The following MYO7B variants were observed in gnomAD, a reference collection of about 807,000 sequenced individuals.
The protein encoded by MYO7B is myosin VIIB, also known as unconventional myosin-VIIb.
Under a neutral mutation model 259.7 loss-of-function variants are expected in MYO7B, and 212 were observed. That is an observed-to-expected ratio of 0.82 (90% CI 0.73 to 0.91). The LOEUF is 0.91. Ranked by LOEUF, MYO7B falls within the 40% of genes least tolerant of loss-of-function variation. The probability of loss-of-function intolerance (pLI) is 0.00; values close to 1 mark genes in which losing one functional copy is unlikely to be tolerated. For synonymous variants in MYO7B, 1,197 were observed against 1,166.4 expected (o/e 1.03, Z -0.54); for missense variants, 2,732 against 2,813.5 (o/e 0.97, Z 0.66).
intron 6 of MYO7B, 66 bp from the exon 7 acceptor site, chr2:127,573,854 T>C (rs1055405355): frequency 1.9e-6 from 3 of 1,594,990 alleles, no homozygotes; most frequent in Admixed American, 1.7e-5. Flanking sequence ...CCCTCTTACA[T>C]GATCCCACTC....
At chr2:127,552,305 C>T (rs778410394) in intron 1 of MYO7B, among the ~76,000 whole-genome samples, 3 of 152,062 alleles carry the variant, frequency 2.0e-5, no homozygotes, top group Non-Finnish European at 4.4e-5. Context: ...GATTTGAGGC[C>T]GTTTCCAGGC....
chr2:127,633,183 G>A (rs55688363), intron 39 of MYO7B, 75 bp from the exon 40 acceptor site: 54,496 of 1,147,160 alleles, frequency 0.048, 1,663 homozygotes, highest in Non-Finnish European at 0.055. Flanking sequence ...CATGGTTTAG[G>A]GCCCACATCG....
At chr2:127,594,163 C>G (rs1289964144) in intron 18 of MYO7B, among the ~76,000 whole-genome samples, 1 of 152,256 alleles carries the variant, frequency 6.6e-6, no homozygotes, top group Non-Finnish European at 1.5e-5. Context: ...CCACCACAAC[C>G]TGCCTCCCCC....
Position 127,636,380 on chromosome 2 carries a change from C to T in MYO7B, c.6123+56C>T. The T allele has an allele frequency of 4.6e-6, 7 of 1,524,370 alleles. No homozygotes were observed. The highest frequency in any genetic ancestry group is 6.4e-6 in the Non-Finnish European group (7 of 1,102,266). 94.4% of individuals were successfully genotyped at this position (1,524,370 alleles called of 1,614,324 possible). A position where few individuals can be genotyped will look rare whatever the true frequency, so the allele number is the denominator to read the frequency against. On this transcript the variant is annotated intron_variant, in intron 45 of 47. Transcript: ENST00000409816. The surrounding 1 kb of genome is among the most constrained non-coding windows in gnomAD (Gnocchi z 4.5). ...CCCAAGCAGGCTCCGCTCAGCCCAG[C>T]CCCAGCAGGCCCAGCGTCAACCAGC...
Position 127,627,526 on chromosome 2 carries a change from C to T in MYO7B, c.4460+216C>T, listed in dbSNP as rs1449641165. 13 of 717,126 alleles carry T rather than the reference C, an allele frequency of 1.8e-5. No homozygotes were observed. The highest frequency in any genetic ancestry group is 2.9e-5 in the East Asian group (1 of 34,042). 44.4% of individuals were successfully genotyped at this position (717,126 alleles called of 1,614,324 possible). The stretch of plus-strand genomic sequence containing the variant: ...CATGAAGTACTCCATTGGGGCATCA[C>T]GCGTTGCACTGGCAGCTTCTCTTTG... On this transcript the variant is annotated intron_variant, in intron 33 of 47. Coordinates refer to ENST00000409816, the MANE Select transcript of MYO7B (RefSeq NM_001393586.1). The surrounding 1 kb of genome is among the most constrained non-coding windows in gnomAD (Gnocchi z 5.6).
chr2:127,618,523 G>T (rs1404612963), intron 26 of MYO7B, among the ~76,000 whole-genome samples: 2 of 152,210 alleles, frequency 1.3e-5, no homozygotes, highest in East Asian at 1.9e-4. Flanking sequence ...TGCCTGGGTC[G>T]TGACTGCCCT....
In MYO7B at chr2:127,596,510, A is replaced by C; in HGVS notation, c.2293A>C (p.Arg765=). Residue 765 remains arginine, a synonymous_variant, in exon 19 of 48, where the codon AGA becomes CGA. Coordinates refer to ENST00000409816, the MANE Select transcript of MYO7B (RefSeq NM_001393586.1). ...GGTACAGAGAAGCCAGGTGCTAGAC[A>C]GAGCGGCGCTCAGCATCCAGAAAGT... The part of the protein sequence containing the change: ...LEVQRSQVLD[R]AALSIQKVLR... The C allele has an allele frequency of 6.2e-7, 1 of 1,613,764 alleles. No individual in the cohort carries two copies. Among genetic ancestry groups the C allele is most frequent in the Non-Finnish European group, 8.5e-7 (1 of 1,179,804 alleles).
rs972931225 is a variant in MYO7B at position 127,622,084 on chromosome 2, A to G, written c.3628A>G (p.Thr1210Ala). The change falls in exon 28 of 48, where the codon ACC becomes GCC. Residue 1210 changes from threonine (T) to alanine (A), a missense_variant. This residue lies in a region of MYO7B where 1,906 missense variants were observed against 2,026.4 expected (regional missense o/e 0.94). Coordinates refer to ENST00000409816, the MANE Select transcript of MYO7B (RefSeq NM_001393586.1). The part of the protein sequence containing the change: ...YANGVRAEPP[T>A]WLELQAVKSK... ...CAATGGGGTGCGTGCGGAGCCCCCCACCTGGCTGGAGCTGCAGGTAGGGGC... is the reference window on the plus strand; with the variant it reads ...CAATGGGGTGCGTGCGGAGCCCCCCGCCTGGCTGGAGCTGCAGGTAGGGGC... 3.9e-6 allele frequency: 6 copies of G among 1,549,480 alleles called. No homozygotes were observed. The highest frequency in any genetic ancestry group is 5.2e-6 in the Non-Finnish European group (6 of 1,145,492).
At chr2:127,566,014 G>C (rs965298094) in intron 4 of MYO7B, among the ~76,000 whole-genome samples, 1 of 152,244 alleles carries the variant, frequency 6.6e-6, no homozygotes, top group South Asian at 2.1e-4. Context: ...GCCCTTCTGG[G>C]CTGCTCAGAG....
chr2:127,613,493 G>C lies in MYO7B; in HGVS notation c.3398+890G>C, dbSNP rs1330370471. ...TGAGCATTGTTTCCTTTATATCCTT[G>C]AGCAGATTTACAGTAGTTTTTAAAT... On this transcript the variant is annotated intron_variant, in intron 26 of 47. Transcript: ENST00000409816. The surrounding 1 kb of genome is among the most constrained non-coding windows in gnomAD (Gnocchi z 4.3). 2.0e-5 allele frequency among the ~76,000 whole-genome samples: 3 copies of C among 152,048 alleles called. No homozygotes were observed. The highest frequency in any genetic ancestry group is 7.2e-5 in the African/African-American group (3 of 41,390).
In MYO7B at chr2:127,577,984, T is replaced by C; in HGVS notation, c.850-149T>C. ...TGATCATGCTGTGGCTACTGTGTCATGATTCTGCCTCTGAAAAGAGTTTTT... is the reference window on the plus strand; with the variant it reads ...TGATCATGCTGTGGCTACTGTGTCACGATTCTGCCTCTGAAAAGAGTTTTT... On this transcript the variant is annotated intron_variant, in intron 8 of 47. Transcript: ENST00000409816. This position sits in a 1 kb window ranked among gnomAD's most constrained non-coding sequence, Gnocchi z 5.2. The C allele has an allele frequency of 3.5e-6, 3 of 866,414 alleles. No homozygotes were observed. Among genetic ancestry groups the C allele is most frequent in the South Asian group, 3.5e-5 (2 of 56,388 alleles). 53.7% of individuals were successfully genotyped at this position (866,414 alleles called of 1,614,324 possible). A position where few individuals can be genotyped will look rare whatever the true frequency, so the allele number is the denominator to read the frequency against.
In MYO7B at chr2:127,597,492, T is replaced by C. The variant is rs926176238; in HGVS notation, c.2339+936T>C. Among the ~76,000 whole-genome samples the C allele has an allele frequency of 6.6e-6, 1 of 152,186 alleles. No homozygotes were observed. The highest frequency in any genetic ancestry group is 2.4e-5 in the African/African-American group (1 of 41,436). ...CAACCTCTAACCTGTTCTACATTTCTAGAATGTTGCCATTGCACAAATGTT... is the reference window on the plus strand; with the variant it reads ...CAACCTCTAACCTGTTCTACATTTCCAGAATGTTGCCATTGCACAAATGTT... On this transcript the variant is annotated intron_variant, in intron 19 of 47. Coordinates refer to ENST00000409816, the MANE Select transcript of MYO7B (RefSeq NM_001393586.1). This position sits in a 1 kb window ranked among gnomAD's most constrained non-coding sequence, Gnocchi z 4.8.
At chr2:127,617,469 C>T (rs1328274322) in intron 26 of MYO7B, among the ~76,000 whole-genome samples, 3 of 149,866 alleles carry the variant, frequency 2.0e-5, no homozygotes, top group African/African-American at 4.9e-5. Flanking sequence ...CTTATGCTGC[C>T]AGCAGACTTG....
Position 127,623,390 on chromosome 2 carries a change from C to T in MYO7B, c.3819+15C>T, listed in dbSNP as rs1333623071. ...TGTACGACAAGGTACCAGCCAGGCACCCTGCCCGTCAGCCGCCTCCCTCAT... is the reference window on the plus strand; with the variant it reads ...TGTACGACAAGGTACCAGCCAGGCATCCTGCCCGTCAGCCGCCTCCCTCAT... On this transcript the variant is annotated intron_variant, in intron 29 of 47. Coordinates refer to ENST00000409816, the MANE Select transcript of MYO7B (RefSeq NM_001393586.1). The T allele has an allele frequency of 3.2e-6, 5 of 1,551,984 alleles. No homozygotes were observed. The highest frequency in any genetic ancestry group is 4.6e-5 in the East Asian group (2 of 43,258).
At chr2:127,569,995 A>G in intron 6 of MYO7B, 85 bp downstream of exon 6, 6 of 1,453,048 alleles carry the variant, frequency 4.1e-6, no homozygotes, top group Non-Finnish European at 4.6e-6. Flanking sequence ...GGGACAGGAT[A>G]GGCCACAAAC....
intron 28 of MYO7B, among the ~76,000 whole-genome samples, chr2:127,622,991 CTGTGCT>C (rs1446752600): frequency 6.6e-6 from 1 of 152,228 alleles, no homozygotes; most frequent in East Asian, 1.9e-4. Flanking sequence ...TGCCTGGTTG[CTGTGCT>C]TCCAGCGGCA....
In MYO7B at chr2:127,596,442, C is replaced by T. The variant is rs377580383; in HGVS notation, c.2245-20C>T. ...AGGGTGAGGGTGAGCAGCCCAGTGA[C>T]GGCGTCTCTCCTGTTCCAGGATCAT... On this transcript the variant is annotated intron_variant, in intron 18 of 47. Transcript: ENST00000409816. 128 of 1,595,072 alleles carry T rather than the reference C, an allele frequency of 8.0e-5. No individual in the cohort carries two copies. Among genetic ancestry groups the T allele is most frequent in the South Asian group, 4.8e-4 (43 of 89,660 alleles).
In MYO7B at chr2:127,584,285, C is replaced by T. The variant is rs1465800451; in HGVS notation, c.1507C>T (p.Pro503Ser). The T allele has an allele frequency of 8.7e-6, 14 of 1,613,896 alleles. No homozygotes were observed. Among genetic ancestry groups the T allele is most frequent in the African/African-American group, 1.3e-5 (1 of 74,926 alleles). The change falls in exon 13 of 48, where the codon CCC becomes TCC. Residue 503 changes from proline to serine, a missense_variant. This residue lies in a region of MYO7B where 1,906 missense variants were observed against 2,026.4 expected (regional missense o/e 0.94). Transcript: ENST00000409816. This position sits in a 1 kb window ranked among gnomAD's most constrained non-coding sequence, Gnocchi z 5.8. ...CACCCTGGACCTGCTGGCCCTCAAG[C>T]CCATGAGCATCATCTCCCTCCTGGA... ...RPTLDLLALK[P>S]MSIISLLDEE...
chr2:127,576,600 C>A lies in MYO7B; in HGVS notation c.741C>A (p.Pro247=). 1.9e-6 allele frequency: 3 copies of A among 1,593,028 alleles called. No homozygotes were observed. The highest frequency in any genetic ancestry group is 2.6e-6 in the Non-Finnish European group (3 of 1,164,504). The part of the protein sequence containing the change: ...LEKSRVCRQA[P]EERNYHIFYC... ...ATGCCCTCCCTCCCTCCCAGGCTCC[C>A]GAGGAGCGGAACTACCATATCTTCT... The change falls in exon 8 of 48, where the codon CCC becomes CCA. Residue 247 remains proline, a synonymous_variant. Coordinates refer to ENST00000409816, the MANE Select transcript of MYO7B (RefSeq NM_001393586.1). This position sits in a 1 kb window ranked among gnomAD's most constrained non-coding sequence, Gnocchi z 4.9.
Sources: allele counts gnomAD v4.1 joint callset (sites outside exome capture counted in the v4.1 genomes callset), GRCh38; gene constraint gnomAD v4.1.1; regional missense constraint gnomAD v4.1.1; non-coding constraint Gnocchi (gnomAD v3.1); transcripts MANE v1.5; gene names NCBI Gene and HGNC (gene_info 2026-07-23, HGNC 2026-07-21).